TRIP11: variants seen among roughly 807,000 people sequenced by gnomAD.
The protein encoded by TRIP11 is thyroid receptor-interacting protein 11.
In TRIP11, 148 loss-of-function variants were observed where a neutral mutation model predicts 223.1. The observed-to-expected ratio is 0.66, with a 90% CI of 0.58 to 0.76. The LOEUF (loss-of-function observed/expected upper bound fraction) is 0.76. Ranked by LOEUF, TRIP11 falls within the 30% of genes least tolerant of loss-of-function variation. The probability of loss-of-function intolerance (pLI) is 0.00; values close to 1 mark genes in which losing one functional copy is unlikely to be tolerated. For missense variants in TRIP11, 2,043 were observed against 2,222.0 expected (o/e 0.92, Z 1.62); for synonymous variants, 762 against 772.6 (o/e 0.99, Z 0.23).
intron 16 of TRIP11, among the ~76,000 whole-genome samples, chr14:91,981,813 T>C (rs1251624841): frequency 6.6e-6 from 1 of 152,230 alleles, no homozygotes; most frequent in Non-Finnish European, 1.5e-5. Context: ...GAGTGAAAAG[T>C]ATCTTTTAAA....
intron 16 of TRIP11, among the ~76,000 whole-genome samples, chr14:91,981,450 C>T (rs1037290696): frequency 1.4e-4 from 21 of 152,026 alleles, no homozygotes; most frequent in Non-Finnish European, 2.9e-4. Context: ...AGTGCAGTGG[C>T]ACACCCTCTG....
At chr14:92,006,539 T>G (rs1198754530) in intron 10 of TRIP11, 91 bp from the exon 11 acceptor site, 1 of 1,319,982 alleles carries the variant, frequency 7.6e-7, no homozygotes, top group African/African-American at 1.5e-5. Flanking sequence ...TAATAGAAAA[T>G]AATCCTCAAA....
rs1490843517 is a variant in TRIP11, at chr14:92,006,334, C to T, written c.1642G>A (p.Asp548Asn). Residue 548 changes from aspartate to asparagine, a missense_variant, in exon 11 of 21, where the codon GAT becomes AAT. Physicochemically the swap from Asp to Asn is conservative, Grantham distance 23. Coordinates refer to ENST00000267622, the MANE Select transcript of TRIP11 (RefSeq NM_004239.4). ...DEKKRVHQLEDDKMDITKELD... is the reference protein window; with the variant it reads ...DEKKRVHQLENDKMDITKELD... ...TCTTTAGTAATGTCCATTTTATCAT[C>T]TTCAAGTTGATGAACTCTCTTTTTT... 2.5e-6 allele frequency: 4 copies of T among 1,611,102 alleles called. No homozygotes were observed. Among genetic ancestry groups the T allele is most frequent in the Non-Finnish European group, 3.4e-6 (4 of 1,178,904 alleles).
chr14:92,018,141 C>A (rs2057060079), intron 4 of TRIP11, among the ~76,000 whole-genome samples: 1 of 150,012 alleles, frequency 6.7e-6, no homozygotes, highest in African/African-American at 2.5e-5. Context: ...GTCACTCAGG[C>A]TGGAATGCAG....
Position 92,037,824 on chromosome 14 carries a change from C to G in TRIP11, c.139+1723G>C, listed in dbSNP as rs1260999014. On this transcript the variant is annotated intron_variant, in intron 1 of 20. Transcript: ENST00000267622. This position sits in a 1 kb window ranked among gnomAD's most constrained non-coding sequence, Gnocchi z 4.2. Reference sequence around the variant, plus strand: ...CCGGGAGGCGAAGGTTGCAGCGAGCCGAGATCGCGCCACTGCATCCAGCCT... The same window carrying G: ...CCGGGAGGCGAAGGTTGCAGCGAGCGGAGATCGCGCCACTGCATCCAGCCT... 6.6e-6 allele frequency among the ~76,000 whole-genome samples: 1 copy of G among 152,150 alleles called. No individual in the cohort carries two copies. The highest frequency in any genetic ancestry group is 2.4e-5 in the African/African-American group (1 of 41,436).
chr14:92,005,630 A>G lies in TRIP11; in HGVS notation c.2346T>C (p.Ile782=), dbSNP rs1268374580. Residue 782 remains isoleucine, a synonymous_variant, in exon 11 of 21, where the codon ATT becomes ATC. Transcript: ENST00000267622. Reference sequence around the variant, plus strand: ...CTTTATGGTCAGTATCCATTTGTTCAATATTCTTTTTGAGTTCTGCTATTT... The same window carrying G: ...CTTTATGGTCAGTATCCATTTGTTCGATATTCTTTTTGAGTTCTGCTATTT... ...DMEIAELKKN[I]EQMDTDHKET... is the part of the protein sequence containing the mutation. The G allele has an allele frequency of 6.2e-7, 1 of 1,613,752 alleles. No homozygotes were observed. Among genetic ancestry groups the G allele is most frequent in the Non-Finnish European group, 8.5e-7 (1 of 1,180,010 alleles).
At chr14:91,974,841 C>T in intron 18 of TRIP11, 98 bp from the exon 19 acceptor site, 1 of 1,029,386 alleles carries the variant, frequency 9.7e-7, no homozygotes, top group South Asian at 1.5e-5. Flanking sequence ...GTAAAGCATG[C>T]TTTTCAAGTT....
In TRIP11 at chr14:91,972,797, T is replaced by TTTGTCTGGACGG; in HGVS notation, c.5638_5639insCCGTCCAGACAA (p.Pro1879_Lys1880insThrValGlnThr). On this transcript the variant is annotated inframe_insertion, in exon 20 of 21. Transcript: ENST00000267622. ...AGGTTTCATATCATGAACAGAAAGCTTTGGTGGTGGAATGGATGGATGAGA... is the reference window on the plus strand; with the variant it reads ...AGGTTTCATATCATGAACAGAAAGCTTTGTCTGGACGGTTGGTGGTGGAATGGATGGATGAGA... 6.2e-7 allele frequency: 1 copy of TTTGTCTGGACGG among 1,613,430 alleles called. No individual in the cohort carries two copies.
intron 16 of TRIP11, among the ~76,000 whole-genome samples, chr14:91,976,894 G>A (rs1398555166): frequency 6.6e-6 from 1 of 152,210 alleles, no homozygotes; most frequent in Non-Finnish European, 1.5e-5. Context: ...ATTACAACAG[G>A]AGATACCCTG....
chr14:91,989,500 G>C (rs1481636954), intron 15 of TRIP11, among the ~76,000 whole-genome samples: 1 of 149,380 alleles, frequency 6.7e-6, no homozygotes. Context: ...ATATTGTATC[G>C]ATTTATGGCT....
At chr14:92,029,309 T>TTTTTTTTTTTTA (rs1385592807) in intron 2 of TRIP11, among the ~76,000 whole-genome samples, 1 of 86,894 alleles carries the variant, frequency 1.2e-5, no homozygotes, top group African/African-American at 4.2e-5. Context: ...TTTTTTTTTT[T>TTTTTTTTTTTTA]TTTTGAGATG....
At position 92,039,819 on chromosome 14, in the gene TRIP11, A is replaced by C. The variant is rs2057365342; in HGVS notation, c.-134T>G. 9.8e-6 allele frequency: 15 copies of C among 1,536,660 alleles called. No homozygotes were observed. The Middle Eastern group carries it at 1.0e-3, about 106-fold the overall frequency. ...TACGATAACACAAAGCTGGGTTCTC[A>C]GGCAAGGCCGACTCCAGGTTCTGCC... On this transcript the variant is annotated 5_prime_UTR_variant, in exon 1 of 21. Transcript: ENST00000267622.
Position 91,999,452 on chromosome 14 carries a change from T to C in TRIP11, c.4699-19A>G. ...GTTGAACCTAGGTAGAGGACATTATTTTTCTTTTACAAAATGCTCCCTTTC... is the reference window on the plus strand; with the variant it reads ...GTTGAACCTAGGTAGAGGACATTATCTTTCTTTTACAAAATGCTCCCTTTC... On this transcript the variant is annotated intron_variant, in intron 12 of 20. Transcript: ENST00000267622. The C allele has an allele frequency of 6.2e-7, 1 of 1,612,814 alleles. No individual in the cohort carries two copies. The highest frequency in any genetic ancestry group is 8.5e-7 in the Non-Finnish European group (1 of 1,179,486).
chr14:92,028,765 C>CATGGATTA (rs1203177048), intron 2 of TRIP11, among the ~76,000 whole-genome samples: 1 of 152,150 alleles, frequency 6.6e-6, no homozygotes, highest in African/African-American at 2.4e-5. Context: ...CTGATGGCCT[C>CATGGATTA]CAGTTCTAGC....
At chr14:92,019,738 C>T (rs1307779267) in intron 4 of TRIP11, among the ~76,000 whole-genome samples, 12 of 152,150 alleles carry the variant, frequency 7.9e-5, no homozygotes, top group Non-Finnish European at 8.8e-5. Flanking sequence ...ATCTGAAATG[C>T]TCCAAAATCT....
rs2140074431 is a variant in TRIP11, at chr14:91,967,000, C to T, written c.*2673G>A. ...CTGGTTACTAAGACGGTTCAGTGAG[C>T]AGGTGGTTCATCTCTGACACAACTA... is the stretch of plus-strand genomic sequence containing the variant. On this transcript the variant is annotated 3_prime_UTR_variant, in exon 21 of 21. Transcript: ENST00000267622. 2 of 202,470 alleles carry T rather than the reference C, an allele frequency of 9.9e-6. No individual in the cohort carries two copies. The highest frequency in any genetic ancestry group is 7.6e-5 in the East Asian group (1 of 13,176). The allele number at this position is 202,470 out of a possible 1,614,324, so 12.5% of individuals were successfully genotyped here. A position where few individuals can be genotyped will look rare whatever the true frequency, so the allele number is the denominator to read the frequency against.
At chr14:92,030,397 T>C (rs1263610972) in intron 2 of TRIP11, 1 of 152,014 alleles carries the variant, frequency 6.6e-6, no homozygotes, top group Admixed American at 6.6e-5. Context: ...ATTTTTATTT[T>C]TTATTTTTTT....
intron 9 of TRIP11, among the ~76,000 whole-genome samples, chr14:92,010,294 G>T (rs2056955153): frequency 6.6e-6 from 1 of 152,028 alleles, no homozygotes; most frequent in South Asian, 2.1e-4. Context: ...ACTTTGGGAG[G>T]CCGAGGTGGG....
intron 5 of TRIP11, among the ~76,000 whole-genome samples, chr14:92,017,238 T>TA (rs998442916): frequency 8.4e-4 from 128 of 151,726 alleles, no homozygotes; most frequent in African/African-American, 3.0e-3. Context: ...TAAAGAATAT[T>TA]AAAAAAAAAT....
Sources: gnomAD v4.1 joint callset for allele counts (sites outside exome capture counted in the v4.1 genomes callset) on GRCh38, gnomAD v4.1.1 for gene constraint, Gnocchi (gnomAD v3.1) non-coding constraint, MANE v1.5 for transcripts, NCBI Gene and HGNC (gene_info 2026-07-23, HGNC 2026-07-21) for gene names.